IFT88: variants seen among roughly 807,000 people sequenced by gnomAD.
IFT88 encodes intraflagellar transport protein 88 homolog.
A neutral mutation model predicts 119.5 loss-of-function variants in IFT88; 74 were observed. The observed-to-expected ratio is 0.62, with a 90% confidence interval of 0.51 to 0.75. The LOEUF (loss-of-function observed/expected upper bound fraction) is 0.75, where lower values mean the gene tolerates loss of function less well. Among genes scored for constraint, IFT88 ranks in the 30% least tolerant of loss-of-function variants. The pLI is 0.00. For missense variants in IFT88, 961 were observed against 977.7 expected (o/e 0.98, Z 0.23); for synonymous variants, 279 against 316.7 (o/e 0.88, Z 1.26).
At chr13:20,574,811 G>GT (rs906433270) in intron 2 of IFT88, among the ~76,000 whole-genome samples, 2 of 152,034 alleles carry the variant, frequency 1.3e-5, no homozygotes, top group African/African-American at 2.4e-5. Context: ...GAAATGTCTT[G>GT]TTTTTTGGTT....
At chr13:20,628,748 C>T (rs559847728) in intron 15 of IFT88, among the ~76,000 whole-genome samples, 25 of 151,844 alleles carry the variant, frequency 1.6e-4, no homozygotes, top group Non-Finnish European at 2.9e-4. Context: ...CAAGTGATAC[C>T]CATTTAGGAT....
At chr13:20,585,558 CCCACCAGGCCAA>C (rs1463427399) in intron 3 of IFT88, among the ~76,000 whole-genome samples, 3 of 152,188 alleles carry the variant, frequency 2.0e-5, no homozygotes, top group Non-Finnish European at 4.4e-5. Flanking sequence ...TCACATACCA[CCCACCAGGCCAA>C]CCTTTAGTCT....
At position 20,591,578 on chromosome 13, in the gene IFT88, G is replaced by A. The variant is rs1289600189; in HGVS notation, c.265-40G>A. On this transcript the variant is annotated intron_variant, in intron 5 of 25. Coordinates refer to ENST00000351808, the MANE Select transcript of IFT88 (RefSeq NM_006531.5). ...TGTGCAGAACTGTACATAGGAGATA[G>A]ATCTTATTTAAGAATAAATGATTCC... is the stretch of plus-strand genomic sequence containing the variant. 3 of 1,470,434 alleles carry A rather than the reference G, an allele frequency of 2.0e-6. No individual in the cohort carries two copies. In the South Asian group the frequency reaches 3.4e-5, roughly 17 times the overall value. 91.1% of individuals were successfully genotyped at this position (1,470,434 alleles called of 1,614,324 possible).
intron 13 of IFT88, among the ~76,000 whole-genome samples, chr13:20,609,301 T>C (rs2044045295): frequency 6.6e-6 from 1 of 152,222 alleles, no homozygotes; most frequent in African/African-American, 2.4e-5. Flanking sequence ...GAATGAATCA[T>C]GAACATTATC....
intron 24 of IFT88, among the ~76,000 whole-genome samples, chr13:20,678,324 T>C (rs147957169): frequency 6.0e-4 from 92 of 152,132 alleles, no homozygotes; most frequent in African/African-American, 2.0e-3. Flanking sequence ...AGAAATAGGG[T>C]GCAGAGTGGG....
chr13:20,635,394 C>T (rs2048874876), intron 16 of IFT88, among the ~76,000 whole-genome samples: 1 of 152,166 alleles, frequency 6.6e-6, no homozygotes, highest in Non-Finnish European at 1.5e-5. Flanking sequence ...AGACACTCAT[C>T]CCCAAGGGGA....
chr13:20,605,984 T>G (rs2043367065), intron 13 of IFT88, among the ~76,000 whole-genome samples: 1 of 150,550 alleles, frequency 6.6e-6, no homozygotes, highest in Admixed American at 6.7e-5. Context: ...CTCTCTGAAC[T>G]GTGTCATTTA....
At chr13:20,674,968 C>T (rs2056478661) in intron 24 of IFT88, among the ~76,000 whole-genome samples, 1 of 151,918 alleles carries the variant, frequency 6.6e-6, no homozygotes, top group Non-Finnish European at 1.5e-5. Flanking sequence ...CCGCCTCAGC[C>T]TCCCAAAGTG....
At chr13:20,607,887 C>G in intron 13 of IFT88, 1 of 705,152 alleles carries the variant, frequency 1.4e-6, no homozygotes, top group Non-Finnish European at 2.7e-6. Context: ...GCACCAATGT[C>G]CTGGGCATAA....
intron 13 of IFT88, chr13:20,608,246 C>G: frequency 4.1e-6 from 1 of 245,998 alleles, no homozygotes; most frequent in East Asian, 9.6e-5. Context: ...GAATGTACAA[C>G]CCAGCCGAGG....
At chr13:20,636,404 T>C (rs2049023276) in intron 16 of IFT88, among the ~76,000 whole-genome samples, 1 of 152,102 alleles carries the variant, frequency 6.6e-6, no homozygotes, top group Admixed American at 6.5e-5. Flanking sequence ...ATATTTTCTC[T>C]AAATTCTACC....
chr13:20,643,786 C>T (rs2050313966), intron 19 of IFT88, among the ~76,000 whole-genome samples, 181 bp downstream of exon 19: 1 of 152,202 alleles, frequency 6.6e-6, no homozygotes, highest in African/African-American at 2.4e-5. Context: ...TAGAGTCTTG[C>T]TCTGTCGCCC....
chr13:20,634,516 A>G (rs1244691253), intron 16 of IFT88, among the ~76,000 whole-genome samples: 1 of 152,138 alleles, frequency 6.6e-6, no homozygotes, highest in African/African-American at 2.4e-5. Flanking sequence ...CCTAGCCAAC[A>G]TGGTGAAACC....
intron 3 of IFT88, among the ~76,000 whole-genome samples, chr13:20,584,970 C>G (rs1566079598): frequency 6.6e-6 from 1 of 152,202 alleles, no homozygotes; most frequent in Non-Finnish European, 1.5e-5. Flanking sequence ...AGGGCAGCCC[C>G]CGGTAATAAA....
At position 20,629,026 on chromosome 13, in the gene IFT88, C is replaced by T. The variant is rs531505129; in HGVS notation, c.1300-1990C>T. Among the ~76,000 whole-genome samples the T allele has an allele frequency of 5.9e-5, 9 of 152,066 alleles. No individual in the cohort carries two copies. The South Asian group carries it at 6.2e-4, about 11-fold the overall frequency. ...TTTTAAAAAAAAATTGTTGTTATTGCTTGTTAGCATTCTTTTTGTATTGTT... is the reference window on the plus strand; with the variant it reads ...TTTTAAAAAAAAATTGTTGTTATTGTTTGTTAGCATTCTTTTTGTATTGTT... On this transcript the variant is annotated intron_variant, in intron 15 of 25. Coordinates refer to ENST00000351808, the MANE Select transcript of IFT88 (RefSeq NM_006531.5).
At position 20,686,297 on chromosome 13, in the gene IFT88, C is replaced by G. The variant is rs547168865; in HGVS notation, c.2243-4408C>G. ...ACTTTTCTCTAAGCAAAATAATGTT[C>G]ATACAGAAATCAGTAAAATAAAAAT... is the stretch of plus-strand genomic sequence containing the variant. On this transcript the variant is annotated intron_variant, in intron 24 of 25. Transcript: ENST00000351808. Among the ~76,000 whole-genome samples the G allele has an allele frequency of 4.6e-5, 7 of 152,238 alleles. No homozygotes were observed. In the East Asian group the frequency reaches 1.3e-3, roughly 29 times the overall value.
At chr13:20,677,929 A>G (rs531525669) in intron 24 of IFT88, among the ~76,000 whole-genome samples, 1 of 152,348 alleles carries the variant, frequency 6.6e-6, no homozygotes, top group East Asian at 1.9e-4. Context: ...CATTTTAGAT[A>G]GTACTTTCAA....
intron 13 of IFT88, chr13:20,608,057 A>G (rs2043817301): frequency 1.9e-6 from 1 of 537,110 alleles, no homozygotes; most frequent in Non-Finnish European, 3.6e-6. Context: ...TTCCCCCAGC[A>G]CGGGGACTAT....
intron 14 of IFT88, among the ~76,000 whole-genome samples, chr13:20,622,038 A>T (rs2046615157): frequency 6.6e-6 from 1 of 152,176 alleles, no homozygotes; most frequent in Non-Finnish European, 1.5e-5. Flanking sequence ...GTATCTCTTG[A>T]GTATCCCTTA....
Sources: gnomAD v4.1 joint callset for allele counts (sites outside exome capture counted in the v4.1 genomes callset) on GRCh38, gnomAD v4.1.1 for gene constraint, MANE v1.5 for transcripts, NCBI Gene and HGNC (gene_info 2026-07-23, HGNC 2026-07-21) for gene names.